The following DLEC1 variants were observed in gnomAD, a reference collection of about 807,000 sequenced individuals.
The protein encoded by DLEC1 is DLEC1 cilia and flagella associated protein.
In DLEC1, 146 loss-of-function variants were observed where a neutral mutation model predicts 198.1. That is an observed-to-expected ratio of 0.74 (90% CI 0.64 to 0.85). The LOEUF is 0.85. Among genes scored for constraint, DLEC1 ranks in the 40% least tolerant of loss-of-function variants. The probability of loss-of-function intolerance (pLI) is 0.00; values close to 1 mark genes in which losing one functional copy is unlikely to be tolerated. For synonymous variants in DLEC1, 897 were observed against 866.8 expected (o/e 1.03, Z -0.61); for missense variants, 2,233 against 2,220.0 (o/e 1.01, Z -0.12).
At chr3:38,102,127 C>T (rs1037631359) in intron 19 of DLEC1, among the ~76,000 whole-genome samples, 1 of 152,164 alleles carries the variant, frequency 6.6e-6, no homozygotes, top group African/African-American at 2.4e-5. Context: ...ACCTCCATCC[C>T]AGCCCCAACC....
rs763104349 is a variant in DLEC1, at chr3:38,096,588, G to A, written c.2191G>A (p.Gly731Arg). The change falls in exon 15 of 37, where the codon GGG becomes AGG. Residue 731 changes from glycine (G) to arginine (R), a missense_variant. Physicochemically the swap from Gly to Arg is moderately radical, Grantham distance 125. Transcript: ENST00000308059. The stretch of plus-strand genomic sequence containing the variant: ...GTTTAGTTCAGAAGCGGAGAGCCTG[G>A]GGCACTCCTCCTACTCTGTGGATGA... The part of the protein sequence containing the change: ...EPVSSEAESL[G>R]HSSYSVDDVI... 9 of 1,611,706 alleles carry A rather than the reference G, an allele frequency of 5.6e-6. No individual in the cohort carries two copies. In the Admixed American group the frequency reaches 1.3e-4, roughly 24 times the overall value.
intron 6 of DLEC1, among the ~76,000 whole-genome samples, chr3:38,081,981 G>T (rs1698055016): frequency 7.6e-6 from 1 of 131,130 alleles, no homozygotes; most frequent in Non-Finnish European, 1.7e-5. Context: ...CGGGCGGAGA[G>T]GCTCCTCACT....
At chr3:38,109,969 A>G in intron 22 of DLEC1, 130 bp from the exon 23 acceptor site, 1 of 1,075,860 alleles carries the variant, frequency 9.3e-7, no homozygotes, top group Non-Finnish European at 1.3e-6. Context: ...TGGCAGCTCA[A>G]TGAAACAGGA....
intron 10 of DLEC1, among the ~76,000 whole-genome samples, chr3:38,089,433 A>G (rs374137485): frequency 1.6e-4 from 25 of 152,220 alleles, no homozygotes; most frequent in African/African-American, 5.3e-4. Flanking sequence ...TCAAGTGCCC[A>G]GTAGGTTCTG....
At chr3:38,109,715 C>A in intron 22 of DLEC1, 153 bp downstream of exon 22, 4 of 1,278,040 alleles carry the variant, frequency 3.1e-6, no homozygotes, top group Non-Finnish European at 4.3e-6. Flanking sequence ...ACTCACCACT[C>A]CTGTGGGGAC....
chr3:38,117,051 A>G lies in DLEC1; in HGVS notation c.4256A>G (p.Lys1419Arg), dbSNP rs757185390. Residue 1419 changes from lysine to arginine, a missense_variant, in exon 30 of 37, where the codon AAG (lysine) becomes AGG (arginine). Physicochemically the swap from Lys to Arg is conservative, Grantham distance 26. Coordinates refer to ENST00000308059, the MANE Select transcript of DLEC1 (RefSeq NM_007335.4). ...PMVLSPEILH[K>R]VECTGYALGF... ...GTGCTCAGCCCTGAGATCCTGCACA[A>G]GGTGGAGTGTACTGGCTACGCCCTG... 1 of 1,613,966 alleles carries G rather than the reference A, an allele frequency of 6.2e-7. No homozygotes were observed. The highest frequency in any genetic ancestry group is 1.3e-5 in the African/African-American group (1 of 74,916).
chr3:38,103,238 T>A (rs540215007), intron 19 of DLEC1: 1 of 152,380 alleles, frequency 6.6e-6, no homozygotes, highest in South Asian at 2.1e-4. Context: ...TCATGTGATA[T>A]TTGACTTCTG....
At position 38,116,563 on chromosome 3, in the gene DLEC1, G is replaced by A. The variant is rs1018501743; in HGVS notation, c.3967G>A (p.Glu1323Lys). ...CCCGCTGCGGGACCAAGCCGGGAAT[G>A]AGCTTGTGTGCCCTGATACCCCTGA... ...PFPLRDQAGN[E>K]LVCPDTPEGG... Residue 1323 changes from glutamate (E) to lysine (K), a missense_variant, in exon 28 of 37, where the codon GAG (glutamate) becomes AAG (lysine). Glu to Lys is a moderately conservative substitution (Grantham distance 56). Transcript: ENST00000308059. 1.2e-6 allele frequency: 2 copies of A among 1,614,138 alleles called. No homozygotes were observed. Among genetic ancestry groups the A allele is most frequent in the Middle Eastern group, 1.7e-4 (1 of 6,058 alleles).
intron 5 of DLEC1, among the ~76,000 whole-genome samples, chr3:38,063,375 A>G (rs1404828452): frequency 6.6e-6 from 1 of 152,196 alleles, no homozygotes; most frequent in Non-Finnish European, 1.5e-5. Context: ...AAGTGGAAGG[A>G]TCACCTGAGC....
chr3:38,103,045 A>G (rs1699385305), intron 19 of DLEC1: 1 of 152,172 alleles, frequency 6.6e-6, no homozygotes, highest in South Asian at 2.1e-4. Context: ...ATGTGCGTAG[A>G]TTATATAGTG....
intron 5 of DLEC1, among the ~76,000 whole-genome samples, chr3:38,063,052 T>TGGAGCAATCTGGGTCAAATG (rs1165678345): frequency 3.3e-5 from 5 of 152,172 alleles, no homozygotes; most frequent in African/African-American, 9.7e-5. Context: ...TTATTTACAT[T>TGGAGCAATCTGGGTCAAATG]GGAGCAATCT....
chr3:38,039,720 G>A (rs1478822610), intron 1 of DLEC1, 84 bp downstream of exon 1: 3 of 1,489,796 alleles, frequency 2.0e-6, no homozygotes, highest in African/African-American at 1.4e-5. Flanking sequence ...GGTGCCAGGC[G>A]CTGTTCCAGG....
intron 12 of DLEC1, 137 bp downstream of exon 12, chr3:38,093,904 G>A: frequency 8.7e-7 from 1 of 1,153,582 alleles, no homozygotes; most frequent in Non-Finnish European, 1.2e-6. Context: ...TTCAATTGAG[G>A]GATCCAGATT....
chr3:38,097,258 C>T lies in DLEC1; in HGVS notation c.2417C>T (p.Pro806Leu), dbSNP rs1699074741. The T allele has an allele frequency of 6.3e-7, 1 of 1,582,830 alleles. No homozygotes were observed. The highest frequency in any genetic ancestry group is 1.3e-5 in the African/African-American group (1 of 74,110). ...ISDCHIIEVEPGTGVIEPSEV... is the reference protein window; with the variant it reads ...ISDCHIIEVELGTGVIEPSEV... ...GACTGCCACATCATTGAAGTGGAGC[C>T]CGGCACAGGGGTCATAGGTACCTTG... Residue 806 changes from proline (P) to leucine (L), a missense_variant, in exon 16 of 37, where the codon CCC (proline) becomes CTC (leucine). Coordinates refer to ENST00000308059, the MANE Select transcript of DLEC1 (RefSeq NM_007335.4).
chr3:38,079,158 C>G (rs1697811587), intron 6 of DLEC1, among the ~76,000 whole-genome samples: 1 of 152,086 alleles, frequency 6.6e-6, no homozygotes. Context: ...CCAAAGGAGG[C>G]TTTGGATTGG....
At chr3:38,068,037 A>C (rs1188646349) in intron 6 of DLEC1, among the ~76,000 whole-genome samples, 1 of 152,178 alleles carries the variant, frequency 6.6e-6, no homozygotes, top group Non-Finnish European at 1.5e-5. Flanking sequence ...TACAGGCGTG[A>C]GCCATTGTAC....
rs375429678 is a variant in DLEC1 at position 38,086,268 on chromosome 3, G to A, written c.1463G>A (p.Cys488Tyr). 2.5e-6 allele frequency: 4 copies of A among 1,612,576 alleles called. No homozygotes were observed. The African/African-American group carries it at 5.3e-5, about 22-fold the overall frequency. The part of the protein sequence containing the change: ...TLSPVLDCGY[C>Y]LIGGVKMTRF... The stretch of plus-strand genomic sequence containing the variant: ...TCACCGGTGTTGGACTGTGGTTACT[G>A]CCTCATTGGGGGAGTCAAGATGACC... The change falls in exon 9 of 37, where the codon TGC (cysteine) becomes TAC (tyrosine). Residue 488 changes from cysteine to tyrosine, a missense_variant. Cys to Tyr is a radical substitution (Grantham distance 194, BLOSUM62 -2). Coordinates refer to ENST00000308059, the MANE Select transcript of DLEC1 (RefSeq NM_007335.4).
chr3:38,115,484 G>C (rs1700104313), intron 27 of DLEC1, among the ~76,000 whole-genome samples: 1 of 151,754 alleles, frequency 6.6e-6, no homozygotes, highest in African/African-American at 2.4e-5. Flanking sequence ...CTGTGGAGGG[G>C]AGGCAGAGTG....
At chr3:38,066,863 G>A (rs1295462554) in intron 6 of DLEC1, among the ~76,000 whole-genome samples, 1 of 152,214 alleles carries the variant, frequency 6.6e-6, no homozygotes, top group Non-Finnish European at 1.5e-5. Flanking sequence ...TAACAGTAAT[G>A]TGTTGTCTTT....
Sources: gnomAD v4.1 joint callset for allele counts (sites outside exome capture counted in the v4.1 genomes callset) on GRCh38, gnomAD v4.1.1 for gene constraint, MANE v1.5 for transcripts, NCBI Gene and HGNC (gene_info 2026-07-23, HGNC 2026-07-21) for gene names.